Variants in PAK6 observed in about 807,000 individuals in gnomAD.
PAK6 encodes serine/threonine-protein kinase PAK 6.
PAK6 carries 33 observed loss-of-function variants against 60.8 expected under a neutral mutation model. That is an observed-to-expected ratio of 0.54 (90% CI 0.41 to 0.73). PAK6 has a LOEUF of 0.73. PAK6 is among the 30% of genes least tolerant of loss of function. The pLI is 0.00. For synonymous variants in PAK6, 404 were observed against 378.5 expected (o/e 1.07, Z -0.78); for missense variants, 845 against 904.1 (o/e 0.93, Z 0.84).
At chr15:40,242,791 G>A (rs1333518535) in intron 2 of PAK6, among the ~76,000 whole-genome samples, 1 of 152,162 alleles carries the variant, frequency 6.6e-6, no homozygotes, top group Non-Finnish European at 1.5e-5. Context: ...GAGATAAAGG[G>A]GACCGTGTCT....
intron 2 of PAK6, chr15:40,246,951 C>G (rs1020831191): frequency 6.6e-6 from 1 of 152,378 alleles, no homozygotes; most frequent in Non-Finnish European, 1.5e-5. Context: ...CTAAGGTGTT[C>G]TGCCCAAAGT....
chr15:40,252,451 C>T (rs1438407230), intron 2 of PAK6: 3 of 1,360,816 alleles, frequency 2.2e-6, no homozygotes, highest in South Asian at 2.3e-5. Context: ...GCCCCTCGGG[C>T]AGAGGGGCTC....
At chr15:40,265,743 C>T in intron 4 of PAK6, 99 bp from the exon 5 acceptor site, 5 of 1,146,576 alleles carry the variant, frequency 4.4e-6, no homozygotes, top group Admixed American at 2.8e-5. Context: ...GTGGTCCTCC[C>T]CAGGGCCCCC....
intron 3 of PAK6, among the ~76,000 whole-genome samples, chr15:40,261,405 C>A (rs887247647): frequency 6.6e-6 from 1 of 151,832 alleles, no homozygotes; most frequent in South Asian, 2.1e-4. Flanking sequence ...GGCGTGATGG[C>A]GTGCGCCTGT....
chr15:40,260,895 A>T (rs1451774783), intron 3 of PAK6, among the ~76,000 whole-genome samples: 6 of 148,756 alleles, frequency 4.0e-5, no homozygotes, highest in African/African-American at 1.2e-4. Flanking sequence ...TAAAAATTTC[A>T]TTTTTTTTTT....
In PAK6 at chr15:40,264,904, G is replaced by A. The variant is rs2039079500; in HGVS notation, c.119G>A (p.Trp40Ter). Residue 40 changes from tryptophan to a stop codon, truncating the protein, a stop_gained, in exon 4 of 11, where the codon TGG (tryptophan) becomes TAG (stop). Transcript: ENST00000560346. LOFTEE classifies it high-confidence loss of function. ...AAGTTTGTGGGCCTCCCCCCACAATGGCAGAACATCCTGGACACACTGCGG... is the reference window on the plus strand; with the variant it reads ...AAGTTTGTGGGCCTCCCCCCACAATAGCAGAACATCCTGGACACACTGCGG... 2 of 1,613,910 alleles carry A rather than the reference G, an allele frequency of 1.2e-6. No homozygotes were observed. Among genetic ancestry groups the A allele is most frequent in the Non-Finnish European group, 1.7e-6 (2 of 1,180,040 alleles).
intron 3 of PAK6, chr15:40,263,717 C>T (rs889313272): frequency 5.1e-5 from 17 of 333,094 alleles, no homozygotes; most frequent in African/African-American, 2.1e-4. Context: ...TGGGTTCAAG[C>T]GATTCTCCTC....
At chr15:40,243,767 C>T (rs1057371360) in intron 2 of PAK6, among the ~76,000 whole-genome samples, 2 of 152,230 alleles carry the variant, frequency 1.3e-5, no homozygotes, top group African/African-American at 4.8e-5. Context: ...TAAGGAATAA[C>T]TTGAGACTCC....
chr15:40,252,131 C>T (rs1273073343), intron 2 of PAK6: 3 of 452,400 alleles, frequency 6.6e-6, no homozygotes, highest in African/African-American at 2.1e-5. Context: ...TGGGACAGAT[C>T]ATCCAAGGTG....
At chr15:40,264,694 G>A in intron 3 of PAK6, 87 bp from the exon 4 acceptor site, 1 of 1,095,340 alleles carries the variant, frequency 9.1e-7, no homozygotes, top group South Asian at 1.4e-5. Context: ...TGGGGGAGGG[G>A]AGGGAGCCCT....
At chr15:40,273,823 G>GC (rs1458488611) in intron 9 of PAK6, 147 bp downstream of exon 9, 5 of 980,078 alleles carry the variant, frequency 5.1e-6, no homozygotes, top group Non-Finnish European at 6.0e-6. Context: ...TTTCGATGGG[G>GC]CTGCTCTTAC....
At chr15:40,272,601 G>T in exon 6 of PAK6, 7 of 1,612,526 alleles carry the variant, frequency 4.3e-6, no homozygotes, top group Non-Finnish European at 5.9e-6. Flanking sequence ...GCTACGTGAA[G>T]ATTGGCGAGG....
chr15:40,244,320 ACT>A (rs1201347896), intron 2 of PAK6, among the ~76,000 whole-genome samples: 48 of 68,252 alleles, frequency 7.0e-4, no homozygotes, highest in Non-Finnish European at 1.1e-3. Context: ...ACAGAGCAAG[ACT>A]CTGTCTCAAA....
chr15:40,266,902 G>T (rs1027945818), intron 5 of PAK6: 3 of 173,334 alleles, frequency 1.7e-5, no homozygotes, highest in Non-Finnish European at 3.6e-5. Flanking sequence ...AGAGTGGAGC[G>T]CACCTTTTTG....
At chr15:40,246,886 T>C (rs2038509783) in intron 2 of PAK6, 1 of 152,298 alleles carries the variant, frequency 6.6e-6, no homozygotes. Flanking sequence ...GCCAGCTAGT[T>C]AGTGTTCCCA....
intron 10 of PAK6, among the ~76,000 whole-genome samples, chr15:40,274,802 T>C (rs2039404128): frequency 6.6e-6 from 1 of 152,166 alleles, no homozygotes; most frequent in South Asian, 2.1e-4. Context: ...ATGTAACCCT[T>C]TTTGCCAAAT....
At chr15:40,255,225 C>T (rs1038745773) in intron 3 of PAK6, among the ~76,000 whole-genome samples, 1 of 151,990 alleles carries the variant, frequency 6.6e-6, no homozygotes. Flanking sequence ...CGGTGGCTCA[C>T]GCCTGTTGAC....
exon 11 of PAK6, chr15:40,276,388 C>A (rs1405449597): frequency 5.3e-6 from 2 of 378,320 alleles, no homozygotes; most frequent in East Asian, 9.3e-5. Flanking sequence ...GCCTCTGCAG[C>A]CAACACAGTA....
At chr15:40,275,781 G>A in intron 10 of PAK6, 146 bp from the exon 11 acceptor site, 3 of 707,956 alleles carry the variant, frequency 4.2e-6, no homozygotes, top group Non-Finnish European at 7.3e-6. Context: ...AATGCTGAGA[G>A]CCTTGAGGGG....
Sources: allele counts gnomAD v4.1 joint callset (sites outside exome capture counted in the v4.1 genomes callset), GRCh38; gene constraint gnomAD v4.1.1; transcripts MANE v1.5; gene names NCBI Gene and HGNC (gene_info 2026-07-23, HGNC 2026-07-21).